Variants in PEX5L observed in about 807,000 individuals in gnomAD.
PEX5L encodes PEX5-related protein.
PEX5L carries 30 observed loss-of-function variants against 84.0 expected under a neutral mutation model. That is an observed-to-expected ratio of 0.36 (90% confidence interval 0.27 to 0.48). The LOEUF is 0.48. Ranked by LOEUF, PEX5L falls within the 20% of genes least tolerant of loss-of-function variation. PEX5L has a pLI of 0.99. For synonymous variants in PEX5L, 270 were observed against 283.1 expected (o/e 0.95, Z 0.46); for missense variants, 533 against 754.6 (o/e 0.71, Z 3.44).
chr3:180,004,120 C>T (rs559455261), intron 1 of PEX5L, among the ~76,000 whole-genome samples: 1 of 152,290 alleles, frequency 6.6e-6, no homozygotes, highest in South Asian at 2.1e-4. Context: ...GGTCATCCTA[C>T]AAATTTATTT....
chr3:180,014,778 T>C (rs1789798742), intron 1 of PEX5L, among the ~76,000 whole-genome samples: 2 of 151,992 alleles, frequency 1.3e-5, no homozygotes, highest in Admixed American at 6.5e-5. Flanking sequence ...TTTCTTTTTT[T>C]CTAGCAGAGG....
intron 2 of PEX5L, among the ~76,000 whole-genome samples, chr3:179,900,427 A>C (rs1341469131): frequency 6.6e-6 from 1 of 152,176 alleles, no homozygotes; most frequent in Non-Finnish European, 1.5e-5. Context: ...TTTCAGGTCA[A>C]TTTTTCAGTA....
intron 1 of PEX5L, among the ~76,000 whole-genome samples, chr3:180,032,724 T>C (rs1234758585): frequency 2.0e-5 from 3 of 152,072 alleles, no homozygotes; most frequent in Non-Finnish European, 4.4e-5. Flanking sequence ...CATGGTGGCA[T>C]GCACCTGTAG....
intron 10 of PEX5L, among the ~76,000 whole-genome samples, chr3:179,813,561 C>T (rs570198784): frequency 1.3e-5 from 2 of 152,102 alleles, no homozygotes; most frequent in Admixed American, 6.6e-5. Context: ...TGCAGTGGCA[C>T]GATCTCGGCT....
intron 1 of PEX5L, among the ~76,000 whole-genome samples, chr3:180,009,004 T>A (rs1789179832): frequency 6.6e-6 from 1 of 152,240 alleles, no homozygotes; most frequent in African/African-American, 2.4e-5. Context: ...CTCATTTCAT[T>A]GTGTATAAAC....
chr3:180,029,510 G>A (rs540377428), intron 1 of PEX5L, among the ~76,000 whole-genome samples: 73 of 152,308 alleles, frequency 4.8e-4, no homozygotes, highest in Admixed American at 8.5e-4. Context: ...AAATTGGCTG[G>A]TCGTTATGGA....
intron 1 of PEX5L, among the ~76,000 whole-genome samples, chr3:179,991,565 T>A (rs1787379052): frequency 6.6e-6 from 1 of 152,146 alleles, no homozygotes; most frequent in Non-Finnish European, 1.5e-5. Flanking sequence ...TCTTTTTGTC[T>A]ATTTTTTAGG....
intron 2 of PEX5L, chr3:179,902,805 C>G (rs376233072): frequency 1.3e-5 from 5 of 377,288 alleles, no homozygotes; most frequent in Non-Finnish European, 2.1e-5. Flanking sequence ...TTTTAAAACT[C>G]TCAACAATTA....
intron 10 of PEX5L, among the ~76,000 whole-genome samples, chr3:179,812,629 C>T (rs1326958542): frequency 6.6e-6 from 1 of 151,996 alleles, no homozygotes; most frequent in African/African-American, 2.4e-5. Flanking sequence ...CATCTTCAAG[C>T]AGATAGCTTA....
intron 1 of PEX5L, among the ~76,000 whole-genome samples, chr3:180,011,216 A>G (rs1789451015): frequency 6.6e-6 from 1 of 152,236 alleles, no homozygotes; most frequent in African/African-American, 2.4e-5. Flanking sequence ...AATCCAAATC[A>G]TGAGTCTAAC....
At chr3:179,919,286 C>T (rs756354414) in intron 2 of PEX5L, among the ~76,000 whole-genome samples, 1 of 152,220 alleles carries the variant, frequency 6.6e-6, no homozygotes, top group Admixed American at 6.5e-5. Context: ...GTTTGCTTAA[C>T]TTTGAAGCTG....
intron 1 of PEX5L, among the ~76,000 whole-genome samples, chr3:180,009,829 G>T (rs187944234): frequency 2.2e-4 from 33 of 152,130 alleles, no homozygotes; most frequent in African/African-American, 7.2e-4. Context: ...CTATGTGTCT[G>T]GCCTATAGAA....
At chr3:179,953,684 G>A (rs577006808) in intron 2 of PEX5L, among the ~76,000 whole-genome samples, 19 of 152,238 alleles carry the variant, frequency 1.2e-4, no homozygotes, top group African/African-American at 4.3e-4. Context: ...CATCGTCAGT[G>A]ATGGAAAGAC....
intron 2 of PEX5L, among the ~76,000 whole-genome samples, chr3:179,927,154 C>T (rs929218246): frequency 6.6e-6 from 1 of 152,134 alleles, no homozygotes; most frequent in Non-Finnish European, 1.5e-5. Context: ...CGCTGGTGAA[C>T]AAGACTGATG....
chr3:179,972,704 A>G (rs534421509), intron 1 of PEX5L, among the ~76,000 whole-genome samples: 132 of 152,318 alleles, frequency 8.7e-4, no homozygotes, highest in African/African-American at 3.0e-3. Context: ...CCTTCAGTGA[A>G]CATGATATAA....
intron 4 of PEX5L, among the ~76,000 whole-genome samples, chr3:179,881,981 C>G (rs1236858076): frequency 6.6e-6 from 1 of 152,178 alleles, no homozygotes; most frequent in Non-Finnish European, 1.5e-5. Flanking sequence ...AAAATGTAAG[C>G]ATGGCAGACA....
Position 179,916,111 on chromosome 3 carries a change from T to C in PEX5L, c.94-17865A>G, listed in dbSNP as rs59092043. On this transcript the variant is annotated intron_variant, in intron 2 of 14. Coordinates refer to ENST00000467460, the MANE Select transcript of PEX5L (RefSeq NM_016559.3). ...TTGAGCATCTAAAATATGCCAGGTGTTGTGCCATATACTTCATACATATAT... is the reference window on the plus strand; with the variant it reads ...TTGAGCATCTAAAATATGCCAGGTGCTGTGCCATATACTTCATACATATAT... Among the ~76,000 whole-genome samples the C allele has an allele frequency of 2.9e-3, 440 of 152,308 alleles. 5 individuals are homozygous for C. Among genetic ancestry groups the C allele is most frequent in the African/African-American group, 1.0e-2 (414 of 41,576 alleles).
chr3:179,830,195 A>T (rs7629364), intron 8 of PEX5L, among the ~76,000 whole-genome samples: 72,600 of 151,384 alleles, frequency 0.48, 18,122 homozygotes, highest in East Asian at 0.75. Context: ...GGGGGAAAAA[A>T]CCTGTTTCAT....
chr3:179,999,361 CCT>C (rs1174151899), intron 1 of PEX5L, among the ~76,000 whole-genome samples: 1 of 152,164 alleles, frequency 6.6e-6, no homozygotes, highest in Non-Finnish European at 1.5e-5. Flanking sequence ...CCCAGCCACC[CCT>C]GTCATCGCCC....
Sources: gnomAD v4.1 joint callset for allele counts (sites outside exome capture counted in the v4.1 genomes callset) on GRCh38, gnomAD v4.1.1 for gene constraint, MANE v1.5 for transcripts, NCBI Gene and HGNC (gene_info 2026-07-23, HGNC 2026-07-21) for gene names.